Variants in ECT2L observed in about 807,000 individuals in gnomAD.
ECT2L encodes epithelial cell transforming 2 like, also known as epithelial cell-transforming sequence 2 oncogene-like.
ECT2L carries 126 observed loss-of-function variants against 122.8 expected under a neutral mutation model. That is an observed-to-expected ratio of 1.03 (90% CI 0.89 to 1.19). The LOEUF is 1.19. Among genes scored for constraint, ECT2L ranks in the 50% most tolerant of loss-of-function variants. ECT2L has a pLI of 0.00. For synonymous variants in ECT2L, 385 were observed against 381.8 expected (o/e 1.01, Z -0.10); for missense variants, 1,012 against 1,064.1 (o/e 0.95, Z 0.68).
At chr6:138,841,520 G>A (rs1010679492) in intron 5 of ECT2L, among the ~76,000 whole-genome samples, 1 of 152,164 alleles carries the variant, frequency 6.6e-6, no homozygotes, top group Non-Finnish European at 1.5e-5. Context: ...ACTGAAAGCT[G>A]GTGTGATTAC....
In ECT2L at chr6:138,843,250, C is replaced by T. The variant is rs200280165; in HGVS notation, c.595+19C>T. 1.7e-5 allele frequency: 26 copies of T among 1,548,934 alleles called. No individual in the cohort carries two copies. The highest frequency in any genetic ancestry group is 2.2e-5 in the Non-Finnish European group (25 of 1,145,432). On this transcript the variant is annotated intron_variant, in intron 6 of 21. Coordinates refer to ENST00000541398, the MANE Select transcript of ECT2L (RefSeq NM_001077706.3). ...CGTAAGAGTAAGTAGCATTTTAAAC[C>T]TTTATATCTTAGGTAAATATTGTAG...
intron 1 of ECT2L, among the ~76,000 whole-genome samples, chr6:138,798,024 C>G (rs1013849350): frequency 6.6e-6 from 1 of 152,134 alleles, no homozygotes; most frequent in Non-Finnish European, 1.5e-5. Context: ...TATGTTTGCC[C>G]ATTTATTATA....
At chr6:138,889,777 T>G (rs1778955503) in intron 20 of ECT2L, among the ~76,000 whole-genome samples, 1 of 152,218 alleles carries the variant, frequency 6.6e-6, no homozygotes, top group South Asian at 2.1e-4. Context: ...ATGCTCAGAG[T>G]AGTGTAAGAA....
rs117572602 is a variant in ECT2L, at chr6:138,856,726, G to A, written c.1198+2572G>A. Among the ~76,000 whole-genome samples the A allele has an allele frequency of 6.1e-3, 922 of 152,206 alleles. 4 individuals carry two copies. The highest frequency in any genetic ancestry group is 0.01 in the Middle Eastern group (3 of 294). ...ACTCTCTGCACACACTATACCTGTG[G>A]GTACTAAAGCAGCTTTAAAGACTGT... On this transcript the variant is annotated intron_variant, in intron 10 of 21. Transcript: ENST00000541398.
chr6:138,802,587 A>G (rs942100346), intron 1 of ECT2L, among the ~76,000 whole-genome samples: 1 of 152,218 alleles, frequency 6.6e-6, no homozygotes, highest in African/African-American at 2.4e-5. Context: ...AATAAGTTTA[A>G]TATCTCAATC....
At chr6:138,826,989 G>A (rs890644887) in intron 4 of ECT2L, among the ~76,000 whole-genome samples, 3 of 152,152 alleles carry the variant, frequency 2.0e-5, no homozygotes, top group African/African-American at 7.2e-5. Flanking sequence ...CCAAGCAGAT[G>A]CCAGCACCAT....
chr6:138,831,968 G>T lies in ECT2L; in HGVS notation c.180-6384G>T, dbSNP rs560547192. 2.8e-4 allele frequency among the ~76,000 whole-genome samples: 43 copies of T among 152,230 alleles called. 1 individual carries two copies. The highest frequency in any genetic ancestry group is 5.4e-4 in the Non-Finnish European group (37 of 68,016). On this transcript the variant is annotated intron_variant, in intron 4 of 21. Coordinates refer to ENST00000541398, the MANE Select transcript of ECT2L (RefSeq NM_001077706.3). ...ATTTACCAGATATTTCAGGAACTTT[G>T]TATGCTGCATGAAACTCTCCTATGG...
intron 11 of ECT2L, among the ~76,000 whole-genome samples, chr6:138,864,414 G>A (rs1210971143): frequency 6.6e-6 from 1 of 152,206 alleles, no homozygotes; most frequent in Non-Finnish European, 1.5e-5. Flanking sequence ...ATTCAGGACA[G>A]AAAATCAAAT....
At chr6:138,883,557 C>T (rs1362982159) in intron 16 of ECT2L, among the ~76,000 whole-genome samples, 1 of 152,158 alleles carries the variant, frequency 6.6e-6, no homozygotes, top group African/African-American at 2.4e-5. Flanking sequence ...TCACTGAGGC[C>T]CTGCAGGAAA....
At chr6:138,878,732 C>T (rs1029836980) in intron 14 of ECT2L, among the ~76,000 whole-genome samples, 3 of 152,214 alleles carry the variant, frequency 2.0e-5, no homozygotes, top group African/African-American at 7.2e-5. Flanking sequence ...CAGGCATGAG[C>T]CACCGCACGT....
intron 13 of ECT2L, among the ~76,000 whole-genome samples, chr6:138,873,327 T>C (rs776481940): frequency 6.6e-6 from 1 of 152,182 alleles, no homozygotes; most frequent in Non-Finnish European, 1.5e-5. Flanking sequence ...ACAGAACAAA[T>C]GCGGAGACCT....
At chr6:138,868,920 A>T (rs1778145698) in intron 13 of ECT2L, among the ~76,000 whole-genome samples, 1 of 152,164 alleles carries the variant, frequency 6.6e-6, no homozygotes, top group South Asian at 2.1e-4. Context: ...TAATCCCAGC[A>T]CTTTGGGAGG....
At chr6:138,824,389 AT>A (rs1239608643) in intron 4 of ECT2L, among the ~76,000 whole-genome samples, 5 of 151,484 alleles carry the variant, frequency 3.3e-5, no homozygotes, top group Admixed American at 3.3e-4. Flanking sequence ...ATTTATAATT[AT>A]TTTTAATTAT....
intron 4 of ECT2L, among the ~76,000 whole-genome samples, chr6:138,835,747 T>C (rs1776812409): frequency 6.6e-6 from 1 of 152,170 alleles, no homozygotes. Context: ...AAATCAGCAC[T>C]GATACAATAC....
chr6:138,882,182 T>C (rs1347109716), intron 15 of ECT2L, among the ~76,000 whole-genome samples: 1 of 152,224 alleles, frequency 6.6e-6, no homozygotes, highest in Non-Finnish European at 1.5e-5. Context: ...AACCTGAGTA[T>C]GTCCTTCCCT....
chr6:138,892,337 T>G (rs541281136), intron 20 of ECT2L, among the ~76,000 whole-genome samples: 1 of 152,320 alleles, frequency 6.6e-6, no homozygotes, highest in East Asian at 1.9e-4. Context: ...ACATTACCTG[T>G]CTGTTCTTGC....
intron 3 of ECT2L, 81 bp from the exon 4 acceptor site, chr6:138,814,410 G>A: frequency 1.2e-6 from 1 of 811,960 alleles, no homozygotes; most frequent in South Asian, 1.8e-5. Flanking sequence ...TGAGGTTGCT[G>A]GTAGATTGTC....
At chr6:138,888,304 TTC>T (rs1778895613) in intron 19 of ECT2L, among the ~76,000 whole-genome samples, 3 of 143,624 alleles carry the variant, frequency 2.1e-5, no homozygotes. Flanking sequence ...ATTCATTCAC[TTC>T]TTTTTCTTTT....
At chr6:138,895,589 G>T (rs1430939146) in intron 20 of ECT2L, among the ~76,000 whole-genome samples, 3 of 151,940 alleles carry the variant, frequency 2.0e-5, no homozygotes, top group African/African-American at 7.3e-5. Flanking sequence ...TTCTTTTTCT[G>T]AGACAGAGTC....
Sources: allele counts gnomAD v4.1 joint callset (sites outside exome capture counted in the v4.1 genomes callset), GRCh38; gene constraint gnomAD v4.1.1; transcripts MANE v1.5; gene names NCBI Gene and HGNC (gene_info 2026-07-23, HGNC 2026-07-21).